The following DMGDH variants were observed in gnomAD, a reference collection of about 807,000 sequenced individuals.
DMGDH encodes dimethylglycine dehydrogenase.
Under a neutral mutation model 95.2 loss-of-function variants are expected in DMGDH, and 76 were observed. The ratio of observed to expected loss-of-function variants is 0.80; its 90% CI spans 0.66 to 0.97. The LOEUF (loss-of-function observed/expected upper bound fraction) is 0.97, where lower values mean the gene tolerates loss of function less well. Among genes scored for constraint, DMGDH ranks in the 50% least tolerant of loss-of-function variants. The pLI is 0.00. For synonymous variants in DMGDH, 345 were observed against 377.6 expected, an observed-to-expected ratio of 0.91 and a Z score of 1.00; for missense variants, 987 against 1,055.0, an observed-to-expected ratio of 0.94 and a Z score of 0.89.
intron 14 of DMGDH, among the ~76,000 whole-genome samples, chr5:79,013,063 C>T (rs898205292): frequency 6.6e-6 from 1 of 152,192 alleles, no homozygotes; most frequent in Non-Finnish European, 1.5e-5. Context: ...GGTCAGGTTG[C>T]ACATTTTCCA....
chr5:79,026,350 A>AG, intron 13 of DMGDH, 74 bp downstream of exon 13: 1 of 1,579,072 alleles, frequency 6.3e-7, no homozygotes, highest in South Asian at 1.1e-5. Context: ...ATGTTATTGC[A>AG]GTTCAAACCA....
At chr5:79,001,065 A>G in intron 15 of DMGDH, 1 of 659,498 alleles carries the variant, frequency 1.5e-6, no homozygotes, top group Non-Finnish European at 2.8e-6. Flanking sequence ...AATGGCTACC[A>G]TTGCTTCAAT....
intron 2 of DMGDH, among the ~76,000 whole-genome samples, chr5:79,058,189 T>C (rs565187876): frequency 6.6e-6 from 1 of 152,364 alleles, no homozygotes; most frequent in African/African-American, 2.4e-5. Context: ...AGAAGTAAGA[T>C]ATGGACTCAA....
intron 7 of DMGDH, among the ~76,000 whole-genome samples, chr5:79,036,918 G>T (rs1754362233): frequency 6.6e-6 from 1 of 151,944 alleles, no homozygotes; most frequent in Non-Finnish European, 1.5e-5. Context: ...TAAATACTTT[G>T]GGAAGTACTT....
intron 7 of DMGDH, among the ~76,000 whole-genome samples, chr5:79,034,972 G>A (rs1222972861): frequency 6.8e-6 from 1 of 148,134 alleles, no homozygotes; most frequent in Non-Finnish European, 1.5e-5. Flanking sequence ...CAGGAGAATG[G>A]CATGAACCTG....
In DMGDH at chr5:79,022,623, A is replaced by C. The variant is rs1320300306; in HGVS notation, c.2250+1648T>G. On this transcript the variant is annotated intron_variant, in intron 14 of 15. Transcript: ENST00000255189. ...TCAGAAATTATAAAAACATGCCAGA[A>C]ATCAAAATTAGTATCTTCTAAACAA... Among the ~76,000 whole-genome samples the C allele has an allele frequency of 3.2e-4, 49 of 152,310 alleles. 1 individual carries two copies. The highest frequency in any genetic ancestry group is 4.4e-5 in the Non-Finnish European group (3 of 68,026).
chr5:79,054,410 T>A, intron 3 of DMGDH, 62 bp from the exon 4 acceptor site: 1 of 1,500,872 alleles, frequency 6.7e-7, no homozygotes, highest in Non-Finnish European at 9.3e-7. Context: ...CAAACATGGT[T>A]CTGCTCCAGT....
rs745528016 is a variant in DMGDH, at chr5:78,998,102, CT to C, written c.2580del (p.Gly861ValfsTer15). The C allele has an allele frequency of 1.9e-6, 3 of 1,614,096 alleles. No homozygotes were observed. Among genetic ancestry groups the C allele is most frequent in the Non-Finnish European group, 2.5e-6 (3 of 1,180,032 alleles). Reference protein sequence around the residue: ...TEPTRNRLQKKGGKDKT With the variant: ...TEPTRNRLQKXGGKDKT ...TTTTTTCAAGTTTTGTCCTTTCCAC[CT>C]TTTTTCTGAAGCCGGTTTCTGGTTG... On this transcript the variant is annotated frameshift_variant, in exon 16 of 16. Transcript: ENST00000255189. LOFTEE classifies it high-confidence loss of function.
intron 14 of DMGDH, among the ~76,000 whole-genome samples, chr5:79,007,667 G>A (rs181359040): frequency 7.9e-5 from 12 of 152,138 alleles, no homozygotes; most frequent in South Asian, 4.2e-4. Flanking sequence ...TGACTTACAC[G>A]GTGTGATTTA....
intron 7 of DMGDH, among the ~76,000 whole-genome samples, chr5:79,038,894 G>A (rs771371848): frequency 2.2e-4 from 33 of 151,970 alleles, no homozygotes; most frequent in African/African-American, 6.5e-4. Flanking sequence ...AAAAGTGGGC[G>A]AAGGATGTGA....
chr5:79,063,392 A>G (rs963543204), intron 2 of DMGDH, among the ~76,000 whole-genome samples: 1 of 152,188 alleles, frequency 6.6e-6, no homozygotes, highest in African/African-American at 2.4e-5. Context: ...GAAAATTGCA[A>G]AGCCAGGATT....
At chr5:79,019,848 G>A (rs1379174530) in intron 14 of DMGDH, among the ~76,000 whole-genome samples, 1 of 152,148 alleles carries the variant, frequency 6.6e-6, no homozygotes, top group African/African-American at 2.4e-5. Flanking sequence ...TTGCACCACT[G>A]CACTCCAGCC....
chr5:79,001,385 A>T (rs147250657), intron 15 of DMGDH, among the ~76,000 whole-genome samples: 2,084 of 152,008 alleles, frequency 0.014, 46 homozygotes, highest in African/African-American at 0.048. Flanking sequence ...CTGGTCTCGA[A>T]CTCCTGAACT....
At chr5:79,022,151 T>C (rs749364431) in intron 14 of DMGDH, among the ~76,000 whole-genome samples, 8 of 152,248 alleles carry the variant, frequency 5.3e-5, no homozygotes, top group Non-Finnish European at 7.3e-5. Flanking sequence ...GCCAGGGTTT[T>C]TGCTGTGTTT....
At chr5:79,034,528 G>A (rs966015224) in intron 7 of DMGDH, among the ~76,000 whole-genome samples, 4 of 152,166 alleles carry the variant, frequency 2.6e-5, no homozygotes, top group Non-Finnish European at 5.9e-5. Context: ...TTTAAGTCAG[G>A]AGCTTCCAAG....
rs887507081 is a variant in DMGDH, at chr5:79,031,106, C to T, written c.1518-108G>A. On this transcript the variant is annotated intron_variant, in intron 9 of 15. Transcript: ENST00000255189. The stretch of plus-strand genomic sequence containing the variant: ...CTCATCTAGAAAATCCTACGGGCAG[C>T]GGGGAGTGGGACTATGGGAGGCGAG... 39 of 626,318 alleles carry T rather than the reference C, an allele frequency of 6.2e-5. No individual in the cohort carries two copies. In the Middle Eastern group the frequency reaches 2.0e-3, roughly 32 times the overall value. 38.8% of individuals were successfully genotyped at this position (626,318 alleles called of 1,614,324 possible).
intron 10 of DMGDH, 137 bp downstream of exon 10, chr5:79,030,696 G>T: frequency 4.8e-4 from 322 of 674,358 alleles, no homozygotes; most frequent in Non-Finnish European, 7.2e-4. Context: ...AAATAAGCTT[G>T]TATACTTGTA....
intron 2 of DMGDH, 56 bp from the exon 3 acceptor site, chr5:79,055,964 TGAC>T: frequency 2.6e-6 from 3 of 1,167,846 alleles, no homozygotes; most frequent in South Asian, 1.3e-5. Context: ...CTCAAAATGT[TGAC>T]AGTTTATCTG....
intron 11 of DMGDH, 116 bp from the exon 12 acceptor site, chr5:79,028,766 G>T: frequency 8.8e-7 from 1 of 1,131,434 alleles, no homozygotes; most frequent in Non-Finnish European, 1.3e-6. Flanking sequence ...TCCCCAGAGT[G>T]TCATTTCATG....
Sources: gnomAD v4.1 joint callset for allele counts (sites outside exome capture counted in the v4.1 genomes callset) on GRCh38, gnomAD v4.1.1 for gene constraint, MANE v1.5 for transcripts, NCBI Gene and HGNC (gene_info 2026-07-23, HGNC 2026-07-21) for gene names.